CEP120: variants seen among roughly 807,000 people sequenced by gnomAD.
The protein encoded by CEP120 is centrosomal protein of 120 kDa.
CEP120 carries 113 observed loss-of-function variants against 126.5 expected under a neutral mutation model. The observed-to-expected ratio is 0.89, with a 90% CI of 0.77 to 1.04. The LOEUF is 1.04. CEP120 is among the 50% of genes least tolerant of loss of function. CEP120 has a pLI of 0.00. For missense variants in CEP120, 1,230 were observed against 1,155.7 expected (o/e 1.06, Z -0.93); for synonymous variants, 400 against 394.3 (o/e 1.01, Z -0.17).
intron 18 of CEP120, among the ~76,000 whole-genome samples, chr5:123,355,629 G>C (rs1336451019): frequency 6.6e-6 from 1 of 151,796 alleles, no homozygotes; most frequent in Non-Finnish European, 1.5e-5. Flanking sequence ...TTTTTGATGG[G>C]GTTGTTTTTT....
intron 16 of CEP120, among the ~76,000 whole-genome samples, chr5:123,376,571 G>A (rs1441716842): frequency 6.6e-6 from 1 of 152,048 alleles, no homozygotes; most frequent in Non-Finnish European, 1.5e-5. Context: ...TATCATTCTG[G>A]CTACAACATG....
intron 18 of CEP120, among the ~76,000 whole-genome samples, chr5:123,350,353 T>C (rs1270353719): frequency 6.6e-6 from 1 of 152,002 alleles, no homozygotes; most frequent in East Asian, 1.9e-4. Flanking sequence ...CAAGTAGGAG[T>C]ATCTGGGCCC....
At position 123,382,785 on chromosome 5, in the gene CEP120, A is replaced by G. The variant is rs1771738300; in HGVS notation, c.1965T>C (p.Leu655=). Residue 655 remains leucine, a synonymous_variant, in exon 13 of 20, where the codon CTT becomes CTC. Transcript: ENST00000306467. ...PRETLEYKAA[L]ELEMWKEMQE... is the part of the protein sequence containing the mutation. ...GCATCTCCTTCCACATTTCTAGCTC[A>G]AGTGCTGCTTTGTATTCTAACGTTT... The G allele has an allele frequency of 6.2e-7, 1 of 1,612,842 alleles. No individual in the cohort carries two copies.
chr5:123,348,526 G>T (rs78596759), intron 19 of CEP120, among the ~76,000 whole-genome samples: 4,304 of 152,260 alleles, frequency 0.028, 197 homozygotes, highest in African/African-American at 0.097. Flanking sequence ...ATGCTGTTAA[G>T]CACGGTCCTT....
At chr5:123,380,783 A>G (rs974483965) in intron 14 of CEP120, among the ~76,000 whole-genome samples, 1 of 152,090 alleles carries the variant, frequency 6.6e-6, no homozygotes, top group Non-Finnish European at 1.5e-5. Context: ...TTAAAATGGT[A>G]TTTTCCAGCT....
intron 17 of CEP120, among the ~76,000 whole-genome samples, chr5:123,365,374 T>C (rs954303207): frequency 6.6e-6 from 1 of 151,800 alleles, no homozygotes; most frequent in African/African-American, 2.4e-5. Flanking sequence ...CAAATTCATG[T>C]AGCCAACAGA....
At chr5:123,419,508 G>A (rs1312001145) in intron 1 of CEP120, among the ~76,000 whole-genome samples, 1 of 149,950 alleles carries the variant, frequency 6.7e-6, no homozygotes, top group East Asian at 1.9e-4. Flanking sequence ...CTCCAGCCTG[G>A]GCAACAGAGC....
At chr5:123,391,810 A>G (rs1772420461) in intron 6 of CEP120, among the ~76,000 whole-genome samples, 1 of 152,140 alleles carries the variant, frequency 6.6e-6, no homozygotes, top group Non-Finnish European at 1.5e-5. Context: ...TTTTTCACCC[A>G]TAAGATATCT....
chr5:123,417,281 GTT>G (rs749199477), intron 2 of CEP120, among the ~76,000 whole-genome samples: 16 of 147,478 alleles, frequency 1.1e-4, no homozygotes, highest in Non-Finnish European at 1.3e-4. Flanking sequence ...GGTAAATAGA[GTT>G]TTCCTTGCTT....
At chr5:123,364,452 A>T in intron 18 of CEP120, 44 bp downstream of exon 18, 1 of 1,344,840 alleles carries the variant, frequency 7.4e-7, no homozygotes, top group African/African-American at 1.5e-5. Flanking sequence ...TTGCAAAGAA[A>T]CAAGGGAAAA....
chr5:123,368,648 G>T (rs4267865), intron 17 of CEP120, among the ~76,000 whole-genome samples: 5,212 of 152,028 alleles, frequency 0.034, 164 homozygotes, highest in South Asian at 0.1. Context: ...CAGGGAGATG[G>T]CTGAGTTTAG....
At chr5:123,365,397 T>C (rs1770385162) in intron 17 of CEP120, among the ~76,000 whole-genome samples, 1 of 151,760 alleles carries the variant, frequency 6.6e-6, no homozygotes, top group Admixed American at 6.6e-5. Flanking sequence ...GTTTTACTAT[T>C]AAGTGATAAT....
chr5:123,366,326 C>T, intron 17 of CEP120, among the ~76,000 whole-genome samples: 1 of 151,768 alleles, frequency 6.6e-6, no homozygotes, highest in Non-Finnish European at 1.5e-5. Context: ...AACCTTTGTA[C>T]TTATATTTTT....
intron 4 of CEP120, chr5:123,401,357 G>A: frequency 6.3e-7 from 1 of 1,577,010 alleles, no homozygotes; most frequent in Non-Finnish European, 8.7e-7. Flanking sequence ...CTCCAGGAAA[G>A]CCCTCTGGCC....
intron 18 of CEP120, chr5:123,358,256 G>A (rs1011385057): frequency 2.6e-5 from 4 of 152,064 alleles, no homozygotes; most frequent in African/African-American, 9.7e-5. Flanking sequence ...GGTTACCTCT[G>A]GAAAGAGAAG....
intron 6 of CEP120, among the ~76,000 whole-genome samples, chr5:123,392,928 A>G (rs1772501896): frequency 6.6e-6 from 1 of 152,214 alleles, no homozygotes; most frequent in Non-Finnish European, 1.5e-5. Context: ...AGGCATATAT[A>G]TTTTGAAATC....
intron 19 of CEP120, among the ~76,000 whole-genome samples, chr5:123,348,762 C>G (rs575271839): frequency 1.4e-4 from 22 of 152,054 alleles, no homozygotes; most frequent in Non-Finnish European, 2.9e-4. Flanking sequence ...GGAAATGGAC[C>G]TTTGGGAGAC....
rs1412278670 is a variant in CEP120 at position 123,382,220 on chromosome 5, A to T, written c.2014-20T>A. The stretch of plus-strand genomic sequence containing the variant: ...CTTCAGCTACAAAAGGAAGAAAAAT[A>T]AAGTCGCCAAAAAACCCCAAATATG... On this transcript the variant is annotated intron_variant, in intron 13 of 19. Coordinates refer to ENST00000306467, the MANE Select transcript of CEP120 (RefSeq NM_001375405.1). 4.0e-5 allele frequency: 62 copies of T among 1,565,964 alleles called. No homozygotes were observed. Among genetic ancestry groups the T allele is most frequent in the Non-Finnish European group, 3.7e-5 (43 of 1,147,220 alleles).
At chr5:123,403,212 C>T (rs975978307) in intron 4 of CEP120, 6 of 445,502 alleles carry the variant, frequency 1.3e-5, no homozygotes, top group Admixed American at 7.6e-5. Context: ...TATCAGCTAA[C>T]ATACCTAGCA....
Sources: gnomAD v4.1 joint callset for allele counts (sites outside exome capture counted in the v4.1 genomes callset) on GRCh38, gnomAD v4.1.1 for gene constraint, MANE v1.5 for transcripts, NCBI Gene and HGNC (gene_info 2026-07-23, HGNC 2026-07-21) for gene names.